Variants in PPP1R16B observed in about 807,000 individuals in gnomAD.
PPP1R16B encodes the protein protein phosphatase 1 regulatory inhibitor subunit 16B.
In PPP1R16B, 14 loss-of-function variants were observed where a neutral mutation model predicts 61.7. The observed-to-expected ratio is 0.23, with a 90% CI of 0.15 to 0.35. The LOEUF is 0.35. Ranked by LOEUF, PPP1R16B falls within the 10% of genes least tolerant of loss-of-function variation. The pLI is 1.00. For synonymous variants in PPP1R16B, 266 were observed against 305.3 expected, an observed-to-expected ratio of 0.87 and a Z score of 1.34; for missense variants, 547 against 752.5, an observed-to-expected ratio of 0.73 and a Z score of 3.19.
chr20:38,914,568 A>G (rs2085517631), intron 10 of PPP1R16B, among the ~76,000 whole-genome samples: 1 of 152,226 alleles, frequency 6.6e-6, no homozygotes. Flanking sequence ...GCATCATGAG[A>G]AAACCTCTTT....
At chr20:38,900,284 C>A (rs1347353674) in intron 4 of PPP1R16B, among the ~76,000 whole-genome samples, 1 of 152,202 alleles carries the variant, frequency 6.6e-6, no homozygotes, top group Admixed American at 6.5e-5. Context: ...ACTTTTATAT[C>A]TGTCCCTAAG....
At chr20:38,896,684 T>C (rs2085352237) in intron 4 of PPP1R16B, among the ~76,000 whole-genome samples, 1 of 152,220 alleles carries the variant, frequency 6.6e-6, no homozygotes, top group Non-Finnish European at 1.5e-5. Flanking sequence ...TTCATATTGT[T>C]GTGCAGCCAT....
chr20:38,807,736 T>A (rs1033344626), intron 1 of PPP1R16B, among the ~76,000 whole-genome samples: 4 of 152,150 alleles, frequency 2.6e-5, no homozygotes, highest in Non-Finnish European at 5.9e-5. Flanking sequence ...TGTGCCTACT[T>A]GTCTACTGGG....
chr20:38,855,278 CTT>C (rs2084996347), intron 2 of PPP1R16B, among the ~76,000 whole-genome samples: 1 of 151,834 alleles, frequency 6.6e-6, no homozygotes, highest in African/African-American at 2.4e-5. Context: ...AACAAAAGCT[CTT>C]TGGAGGGACC....
rs182164171 is a variant in PPP1R16B, at chr20:38,921,567, C to A, written c.*2901C>A. On this transcript the variant is annotated 3_prime_UTR_variant, in exon 11 of 11. Transcript: ENST00000299824. ...TAGCTGGGAACAGCTGTCATGGTCA[C>A]CCCTGGATAACATTTGCCACCAAGT... The A allele has an allele frequency of 6.6e-6, 1 of 152,316 alleles. No individual in the cohort carries two copies. Among genetic ancestry groups the A allele is most frequent in the East Asian group, 1.9e-4 (1 of 5,176 alleles). 9.4% of individuals were successfully genotyped at this position (152,316 alleles called of 1,614,324 possible).
chr20:38,919,606 A>T lies in PPP1R16B; in HGVS notation c.*940A>T, dbSNP rs2085574882. ...TCTTTTTGTGGATCGTATCAAGGTC[A>T]CTGGGTTTTACTGGCTGGTGCTGGG... is the stretch of plus-strand genomic sequence containing the variant. On this transcript the variant is annotated 3_prime_UTR_variant, in exon 11 of 11. Transcript: ENST00000299824. The T allele has an allele frequency of 6.6e-6, 1 of 152,170 alleles. No individual in the cohort carries two copies. Among genetic ancestry groups the T allele is most frequent in the Non-Finnish European group, 1.5e-5 (1 of 68,034 alleles). 9.4% of individuals were successfully genotyped at this position (152,170 alleles called of 1,614,324 possible).
intron 1 of PPP1R16B, among the ~76,000 whole-genome samples, chr20:38,829,506 C>T (rs1300588344): frequency 6.6e-6 from 1 of 152,204 alleles, no homozygotes; most frequent in Non-Finnish European, 1.5e-5. Flanking sequence ...CTCCATGGAG[C>T]TGGTTTTCCT....
chr20:38,895,515 G>A lies in PPP1R16B; in HGVS notation c.322-50G>A, dbSNP rs200761547. On this transcript the variant is annotated intron_variant, in intron 3 of 10. Transcript: ENST00000299824. The stretch of plus-strand genomic sequence containing the variant: ...ACCTGGTGTGTCCTGACCAGGGCCC[G>A]GGGCCCAGTGCCCTGCCTGGAGCTG... The A allele has an allele frequency of 1.4e-5, 22 of 1,585,828 alleles. 2 individuals are homozygous for A. Among genetic ancestry groups the A allele is most frequent in the Middle Eastern group, 3.3e-4 (2 of 6,006 alleles).
intron 2 of PPP1R16B, among the ~76,000 whole-genome samples, chr20:38,889,314 A>G (rs898222868): frequency 6.6e-6 from 1 of 152,208 alleles, no homozygotes; most frequent in Non-Finnish European, 1.5e-5. Context: ...CAATGACTAG[A>G]ATGTGCATCC....
intron 1 of PPP1R16B, among the ~76,000 whole-genome samples, chr20:38,831,514 G>C (rs2084837162): frequency 6.6e-6 from 1 of 152,240 alleles, no homozygotes; most frequent in South Asian, 2.1e-4. Flanking sequence ...GACAGAGCTT[G>C]CAAACTCAAA....
chr20:38,844,022 A>T (rs2084923410), intron 2 of PPP1R16B, among the ~76,000 whole-genome samples: 2 of 152,350 alleles, frequency 1.3e-5, no homozygotes, highest in South Asian at 2.1e-4. Flanking sequence ...AGTTTCTTAA[A>T]GGTTAGTTGC....
chr20:38,875,364 T>A (rs1010819428), intron 2 of PPP1R16B, among the ~76,000 whole-genome samples: 4 of 152,168 alleles, frequency 2.6e-5, no homozygotes. Context: ...TGCTCCTGTT[T>A]CCTCTCTGCC....
intron 10 of PPP1R16B, among the ~76,000 whole-genome samples, chr20:38,917,427 G>A (rs1230840479): frequency 1.3e-5 from 2 of 152,118 alleles, no homozygotes; most frequent in Non-Finnish European, 2.9e-5. Flanking sequence ...TGTTCATGGT[G>A]ATTTTTGCTG....
At chr20:38,846,788 G>C (rs2084938006) in intron 2 of PPP1R16B, among the ~76,000 whole-genome samples, 1 of 152,132 alleles carries the variant, frequency 6.6e-6, no homozygotes, top group Non-Finnish European at 1.5e-5. Flanking sequence ...AAGATCACTT[G>C]AGCCCAGGAG....
chr20:38,896,820 A>G (rs6015979), intron 4 of PPP1R16B, among the ~76,000 whole-genome samples: 28,562 of 152,070 alleles, frequency 0.19, 3,280 homozygotes, highest in East Asian at 0.32. Context: ...TTCTGTCTCT[A>G]TGAATTTGAC....
chr20:38,899,953 G>A (rs1178266909), intron 4 of PPP1R16B, among the ~76,000 whole-genome samples: 1 of 151,948 alleles, frequency 6.6e-6, no homozygotes, highest in Non-Finnish European at 1.5e-5. Context: ...CCCACACCAC[G>A]CCCCGCTAAT....
At chr20:38,894,692 C>T (rs1034444036) in intron 3 of PPP1R16B, among the ~76,000 whole-genome samples, 2 of 152,174 alleles carry the variant, frequency 1.3e-5, no homozygotes, top group African/African-American at 4.8e-5. Context: ...AGTTTCATCC[C>T]GCAGTCTGTA....
intron 2 of PPP1R16B, among the ~76,000 whole-genome samples, chr20:38,855,367 A>C (rs1419391841): frequency 6.6e-6 from 1 of 151,888 alleles, no homozygotes; most frequent in Non-Finnish European, 1.5e-5. Flanking sequence ...TAAAAAAAAA[A>C]AACAAAACCC....
intron 1 of PPP1R16B, among the ~76,000 whole-genome samples, chr20:38,811,882 C>G (rs1366277830): frequency 6.6e-6 from 1 of 152,214 alleles, no homozygotes; most frequent in Non-Finnish European, 1.5e-5. Flanking sequence ...AGAAAGACTA[C>G]ACTGGACGAT....
Sources: allele counts gnomAD v4.1 joint callset (sites outside exome capture counted in the v4.1 genomes callset), GRCh38; gene constraint gnomAD v4.1.1; transcripts MANE v1.5; gene names NCBI Gene and HGNC (gene_info 2026-07-23, HGNC 2026-07-21).